CERS3: variants seen among roughly 807,000 people sequenced by gnomAD.
CERS3 encodes the protein LAG1 homolog, ceramide synthase 3.
A neutral mutation model predicts 50.3 loss-of-function variants in CERS3; 33 were observed. The ratio of observed to expected loss-of-function variants is 0.66; its 90% CI spans 0.50 to 0.88. The LOEUF is 0.88. CERS3 is among the 40% of genes least tolerant of loss of function. The probability of loss-of-function intolerance (pLI) is 0.00; values close to 1 mark genes in which losing one functional copy is unlikely to be tolerated. For synonymous variants in CERS3, 176 were observed against 155.2 expected, an observed-to-expected ratio of 1.13 and a Z score of -0.99; for missense variants, 470 against 460.3, an observed-to-expected ratio of 1.02 and a Z score of -0.19.
At chr15:100,446,845 C>T (rs980903391) in intron 11 of CERS3, among the ~76,000 whole-genome samples, 1 of 152,142 alleles carries the variant, frequency 6.6e-6, no homozygotes, top group Non-Finnish European at 1.5e-5. Context: ...AGACACACCT[C>T]ATTATACACC....
intron 5 of CERS3, among the ~76,000 whole-genome samples, chr15:100,481,218 AC>A (rs1258104210): frequency 2.0e-5 from 3 of 152,188 alleles, no homozygotes; most frequent in Non-Finnish European, 2.9e-5. Context: ...GGAAAGCTGC[AC>A]CTTGAAGTGC....
chr15:100,540,095 C>T (rs2142436625), intron 1 of CERS3, among the ~76,000 whole-genome samples: 1 of 152,316 alleles, frequency 6.6e-6, no homozygotes, highest in Non-Finnish European at 1.5e-5. Flanking sequence ...ATCCCTACCC[C>T]ATGTGCCCCA....
At chr15:100,536,201 T>C (rs36031832) in intron 1 of CERS3, among the ~76,000 whole-genome samples, 51,273 of 99,696 alleles carry the variant, frequency 0.51, 14,601 homozygotes, top group South Asian at 0.59. Flanking sequence ...ATGTTAAGCA[T>C]GAATTAAGAC....
At chr15:100,479,278 C>G in intron 7 of CERS3, 150 bp downstream of exon 7, 1 of 498,984 alleles carries the variant, frequency 2.0e-6, no homozygotes, top group Non-Finnish European at 3.6e-6. Flanking sequence ...AAATGAGGGT[C>G]AATAAGGATA....
At chr15:100,472,798 T>C (rs1378903135) in intron 9 of CERS3, 126 bp downstream of exon 9, 46 of 1,049,936 alleles carry the variant, frequency 4.4e-5, no homozygotes, top group Non-Finnish European at 2.9e-6. Flanking sequence ...AATCTAGAGA[T>C]ATTCTCAGAA....
At chr15:100,445,249 C>T (rs12905003) in intron 11 of CERS3, among the ~76,000 whole-genome samples, 104,110 of 110,018 alleles carry the variant, frequency 0.95, 49,783 homozygotes, top group South Asian at 1. Flanking sequence ...CCTACTATCT[C>T]CTGTCTAGTC....
chr15:100,523,981 C>T (rs2036713968), intron 1 of CERS3, among the ~76,000 whole-genome samples: 3 of 152,158 alleles, frequency 2.0e-5, no homozygotes, highest in South Asian at 4.1e-4. Context: ...TTTATTTGTA[C>T]ATGGACATTC....
Position 100,455,880 on chromosome 15 carries a change from G to A in CERS3, c.999+13C>T. ...AATGACATTAAGAGCAATAATATTT[G>A]GACAGCCCTTACCTTCATGAATATA... On this transcript the variant is annotated intron_variant, in intron 11 of 11. Transcript: ENST00000679737. The A allele has an allele frequency of 6.3e-7, 1 of 1,576,426 alleles. No homozygotes were observed. The highest frequency in any genetic ancestry group is 8.6e-7 in the Non-Finnish European group (1 of 1,160,448).
intron 11 of CERS3, among the ~76,000 whole-genome samples, chr15:100,423,166 G>T (rs900500606): frequency 5.9e-5 from 9 of 151,992 alleles, no homozygotes; most frequent in Non-Finnish European, 1.0e-4. Context: ...ATAAACTACT[G>T]GTGGGAATGT....
At chr15:100,499,632 C>T (rs973640147) in intron 3 of CERS3, among the ~76,000 whole-genome samples, 1 of 152,142 alleles carries the variant, frequency 6.6e-6, no homozygotes, top group Admixed American at 6.5e-5. Flanking sequence ...TACATAAATG[C>T]AGTCTAGAAC....
intron 5 of CERS3, among the ~76,000 whole-genome samples, chr15:100,480,852 A>G (rs1035903888): frequency 6.6e-6 from 1 of 152,190 alleles, no homozygotes; most frequent in South Asian, 2.1e-4. Context: ...TATCTGTGGT[A>G]GGCGAGAGGT....
At chr15:100,522,262 G>A (rs138501322) in intron 1 of CERS3, among the ~76,000 whole-genome samples, 34 of 152,332 alleles carry the variant, frequency 2.2e-4, no homozygotes, top group African/African-American at 7.9e-4. Flanking sequence ...AACCATTAGT[G>A]CACTGGTTCC....
chr15:100,426,196 G>T (rs911171390), intron 11 of CERS3: 2 of 151,954 alleles, frequency 1.3e-5, no homozygotes, highest in Non-Finnish European at 2.9e-5. Flanking sequence ...ACTAAATGTT[G>T]CATAATAAAA....
chr15:100,448,226 T>C (rs2034014928), intron 11 of CERS3, among the ~76,000 whole-genome samples: 1 of 152,186 alleles, frequency 6.6e-6, no homozygotes, highest in South Asian at 2.1e-4. Flanking sequence ...ATCGGGTACA[T>C]GCCTCCTCCA....
upstream of CERS3, among the ~76,000 whole-genome samples, chr15:100,531,426 G>A (rs1331182535): frequency 1.3e-5 from 2 of 152,248 alleles, no homozygotes; most frequent in Admixed American, 1.3e-4. Flanking sequence ...CTGTGGGAGT[G>A]AGGAACTCGG....
chr15:100,470,389 G>A (rs2034926959), intron 9 of CERS3, among the ~76,000 whole-genome samples: 1 of 152,258 alleles, frequency 6.6e-6, no homozygotes, highest in Admixed American at 6.5e-5. Context: ...ATACTACCAA[G>A]GGGTGAGAAT....
chr15:100,506,458 G>A (rs141827296), intron 2 of CERS3, among the ~76,000 whole-genome samples: 3,352 of 66,878 alleles, frequency 0.05, 120 homozygotes, highest in Admixed American at 0.24. Context: ...TGAAGAAATC[G>A]GGACCCCCCC....
At chr15:100,543,119 C>G (rs911650276) in intron 1 of CERS3, among the ~76,000 whole-genome samples, 1 of 152,062 alleles carries the variant, frequency 6.6e-6, no homozygotes, top group Admixed American at 6.5e-5. Flanking sequence ...ACTATGTTGG[C>G]TAGGCTGGTC....
intron 10 of CERS3, among the ~76,000 whole-genome samples, chr15:100,462,479 T>G (rs930053851): frequency 6.6e-6 from 1 of 152,252 alleles, no homozygotes; most frequent in African/African-American, 2.4e-5. Flanking sequence ...AAATACTTGT[T>G]CTACAGGTGA....
Sources: gnomAD v4.1 joint callset for allele counts (sites outside exome capture counted in the v4.1 genomes callset) on GRCh38, gnomAD v4.1.1 for gene constraint, MANE v1.5 for transcripts, NCBI Gene and HGNC (gene_info 2026-07-23, HGNC 2026-07-21) for gene names.